Variants in NOS1AP observed in about 807,000 individuals in gnomAD.
NOS1AP encodes the protein nitric oxide synthase 1 adaptor protein.
A neutral mutation model predicts 56.2 loss-of-function variants in NOS1AP; 21 were observed. The observed-to-expected ratio is 0.37, with a 90% CI of 0.26 to 0.54. The LOEUF is 0.54. Among genes scored for constraint, NOS1AP ranks in the 20% least tolerant of loss-of-function variants. NOS1AP has a pLI of 0.84. For synonymous variants in NOS1AP, 270 were observed against 274.6 expected (o/e 0.98, Z 0.17); for missense variants, 522 against 657.8 (o/e 0.79, Z 2.26).
Position 162,255,490 on chromosome 1 carries a change from A to ATTTTTTTTTTTTTTTTTTTTTTTTTTTT in NOS1AP, c.178-31846_178-31819dup, listed in dbSNP as rs35637289. On this transcript the variant is annotated intron_variant, in intron 2 of 9. Transcript: ENST00000361897. ...ATGCATAGGTTATTTGCTGCTGCTGATTTTTTTTTTTTTTTTTTTTTTTTT... is the reference window on the plus strand; with the variant it reads ...ATGCATAGGTTATTTGCTGCTGCTGATTTTTTTTTTTTTTTTTTTTTTTTTTTTTTTTTTTTTTTTTTTTTTTTTTTTT... Among the ~76,000 whole-genome samples, 12 of 60,996 alleles carry ATTTTTTTTTTTTTTTTTTTTTTTTTTTT rather than the reference A, an allele frequency of 2.0e-4. 1 individual carries two copies. The highest frequency in any genetic ancestry group is 4.4e-4 in the Admixed American group (2 of 4,594). 40.0% of individuals were successfully genotyped at this position (60,996 alleles called of 152,430 possible). A position where few individuals can be genotyped will look rare whatever the true frequency, so the allele number is the denominator to read the frequency against.
At position 162,369,048 on chromosome 1, in the gene NOS1AP, T is replaced by C. The variant is rs1016753875; in HGVS notation, c.*1581T>C. On this transcript the variant is annotated 3_prime_UTR_variant, in exon 10 of 10. Transcript: ENST00000361897. Reference sequence around the variant, plus strand: ...CTTCCTTGGTGCATCAGGGTGTCAGTGGAAATAGGATCAGGTGGTGTGTGT... The same window carrying C: ...CTTCCTTGGTGCATCAGGGTGTCAGCGGAAATAGGATCAGGTGGTGTGTGT... 1.3e-5 allele frequency: 2 copies of C among 152,174 alleles called. No homozygotes were observed. Among genetic ancestry groups the C allele is most frequent in the African/African-American group, 4.8e-5 (2 of 41,400 alleles). The allele number at this position is 152,174 out of a possible 1,614,324, so 9.4% of individuals were successfully genotyped here.
intron 8 of NOS1AP, chr1:162,364,836 A>T (rs1163719899): frequency 9.0e-5 from 89 of 989,688 alleles, no homozygotes; most frequent in Non-Finnish European, 1.0e-4. Context: ...TTAAAAAGCC[A>T]TGTGTAGTGC....
At chr1:162,070,671 C>G (rs1033327479) in intron 1 of NOS1AP, among the ~76,000 whole-genome samples, 7 of 152,130 alleles carry the variant, frequency 4.6e-5, no homozygotes, top group African/African-American at 1.7e-4. Flanking sequence ...ACCTGCTGGG[C>G]TCCCAGGGAG....
intron 4 of NOS1AP, among the ~76,000 whole-genome samples, chr1:162,319,821 C>T (rs192462400): frequency 6.9e-6 from 1 of 145,170 alleles, no homozygotes; most frequent in East Asian, 1.9e-4. Context: ...GGACACTGCA[C>T]TGCCCTCACC....
intron 2 of NOS1AP, among the ~76,000 whole-genome samples, chr1:162,167,068 G>A (rs980500090): frequency 6.6e-6 from 1 of 152,200 alleles, no homozygotes; most frequent in African/African-American, 2.4e-5. Context: ...AAATAATGGG[G>A]CAGCTGCTGT....
chr1:162,285,055 A>G (rs1655047522), intron 2 of NOS1AP, among the ~76,000 whole-genome samples: 1 of 152,204 alleles, frequency 6.6e-6, no homozygotes, highest in Non-Finnish European at 1.5e-5. Flanking sequence ...AGAGAAGTAT[A>G]TGGGGCATAT....
chr1:162,108,872 T>C (rs977435827), intron 1 of NOS1AP, among the ~76,000 whole-genome samples: 1 of 152,194 alleles, frequency 6.6e-6, no homozygotes, highest in Non-Finnish European at 1.5e-5. Context: ...GGTAGACTTA[T>C]AGATTAAACA....
intron 2 of NOS1AP, among the ~76,000 whole-genome samples, chr1:162,230,095 A>G (rs1653075270): frequency 6.6e-6 from 1 of 152,164 alleles, no homozygotes; most frequent in African/African-American, 2.4e-5. Context: ...ATAAACTAGG[A>G]AGGGATCCCC....
chr1:162,185,849 A>G (rs968047457), intron 2 of NOS1AP, among the ~76,000 whole-genome samples: 1 of 152,198 alleles, frequency 6.6e-6, no homozygotes, highest in Non-Finnish European at 1.5e-5. Context: ...GAAAGGATGT[A>G]TGCACTCTCC....
At chr1:162,197,723 C>T (rs1172877619) in intron 2 of NOS1AP, among the ~76,000 whole-genome samples, 1 of 152,198 alleles carries the variant, frequency 6.6e-6, no homozygotes, top group Admixed American at 6.5e-5. Flanking sequence ...TGTTGTATTT[C>T]TCTGCCTGGG....
At chr1:162,102,976 T>G (rs1205182525) in intron 1 of NOS1AP, among the ~76,000 whole-genome samples, 3 of 152,096 alleles carry the variant, frequency 2.0e-5, no homozygotes, top group Non-Finnish European at 4.4e-5. Context: ...TCTGCTAGCT[T>G]TTGGGGGTTT....
chr1:162,317,586 A>G (rs955861340), intron 4 of NOS1AP, among the ~76,000 whole-genome samples: 1 of 152,170 alleles, frequency 6.6e-6, no homozygotes, highest in African/African-American at 2.4e-5. Context: ...AGACTCATAA[A>G]CAGATCCCAA....
At chr1:162,210,611 C>T (rs1652318473) in intron 2 of NOS1AP, among the ~76,000 whole-genome samples, 1 of 152,214 alleles carries the variant, frequency 6.6e-6, no homozygotes, top group South Asian at 2.1e-4. Flanking sequence ...CTGTTCCACT[C>T]TGTAATTGAC....
intron 2 of NOS1AP, among the ~76,000 whole-genome samples, chr1:162,248,977 T>G (rs546446881): frequency 6.6e-6 from 1 of 152,138 alleles, no homozygotes; most frequent in Non-Finnish European, 1.5e-5. Flanking sequence ...ACAGTTTCTA[T>G]GGTAACAGCA....
intron 2 of NOS1AP, among the ~76,000 whole-genome samples, chr1:162,206,383 A>G (rs1205958834): frequency 6.6e-6 from 1 of 152,248 alleles, no homozygotes; most frequent in African/African-American, 2.4e-5. Context: ...TTGGCAAGCT[A>G]CATCTGCAAG....
intron 2 of NOS1AP, among the ~76,000 whole-genome samples, chr1:162,265,891 C>T (rs1004952682): frequency 6.6e-6 from 1 of 152,160 alleles, no homozygotes; most frequent in Non-Finnish European, 1.5e-5. Flanking sequence ...TGTAGTAGCC[C>T]ATGGTATCGG....
chr1:162,325,392 A>G (rs1166703350), intron 4 of NOS1AP, among the ~76,000 whole-genome samples: 2 of 152,224 alleles, frequency 1.3e-5, no homozygotes, highest in Non-Finnish European at 2.9e-5. Flanking sequence ...ACACACCAGT[A>G]GGCAGGCAGC....
At chr1:162,340,641 G>A (rs889488905) in intron 5 of NOS1AP, among the ~76,000 whole-genome samples, 11 of 152,164 alleles carry the variant, frequency 7.2e-5, no homozygotes, top group Admixed American at 1.3e-4. Context: ...CAGAAATACC[G>A]TAGAGAACAA....
intron 4 of NOS1AP, among the ~76,000 whole-genome samples, chr1:162,323,708 A>G (rs1167617729): frequency 6.6e-6 from 1 of 152,204 alleles, no homozygotes; most frequent in Admixed American, 6.5e-5. Context: ...ATTTCATTTG[A>G]TTCTTGTAAC....
Sources: gnomAD v4.1 joint callset for allele counts (sites outside exome capture counted in the v4.1 genomes callset) on GRCh38, gnomAD v4.1.1 for gene constraint, MANE v1.5 for transcripts, NCBI Gene and HGNC (gene_info 2026-07-23, HGNC 2026-07-21) for gene names.